ORC4: variants seen among roughly 807,000 people sequenced by gnomAD.
ORC4 encodes origin recognition complex, subunit 4 homolog.
In ORC4, 55 loss-of-function variants were observed where a neutral mutation model predicts 63.9. The ratio of observed to expected loss-of-function variants is 0.86; its 90% CI spans 0.69 to 1.08. The LOEUF is 1.08. Ranked by LOEUF, ORC4 falls within the 50% of genes least tolerant of loss-of-function variation. The probability of loss-of-function intolerance (pLI) is 0.00; values close to 1 mark genes in which losing one functional copy is unlikely to be tolerated. For synonymous variants in ORC4, 150 were observed against 168.5 expected (o/e 0.89, Z 0.85); for missense variants, 511 against 504.4 (o/e 1.01, Z -0.13).
In ORC4 at chr2:147,938,160, G is replaced by A. The variant is rs1026451587; in HGVS notation, c.1108C>T (p.Pro370Ser). The A allele has an allele frequency of 6.2e-7, 1 of 1,610,822 alleles. No individual in the cohort carries two copies. The highest frequency in any genetic ancestry group is 8.5e-7 in the Non-Finnish European group (1 of 1,177,508). The change falls in exon 13 of 14, where the codon CCT becomes TCT. Residue 370 changes from proline to serine, a missense_variant. Transcript: ENST00000392857. ...KAHSVYNFEK[P>S]VVMKAFEHLQ... ...CTAAATCTTACCTTCATGACAACAG[G>A]TTTTTCAAAATTATAAACGGAATGT... is the stretch of plus-strand genomic sequence containing the variant.
chr2:147,936,155 AGAGG>A (rs1688039267), intron 13 of ORC4, among the ~76,000 whole-genome samples: 1 of 152,168 alleles, frequency 6.6e-6, no homozygotes, highest in African/African-American at 2.4e-5. Flanking sequence ...CAGCTGTAAC[AGAGG>A]GAGGCAGAAA....
At chr2:147,964,112 A>G (rs1411746263) in intron 4 of ORC4, among the ~76,000 whole-genome samples, 1 of 152,232 alleles carries the variant, frequency 6.6e-6, no homozygotes, top group Non-Finnish European at 1.5e-5. Flanking sequence ...AGTAACAGAC[A>G]AGAATCATAA....
chr2:147,946,863 T>C (rs145515706), intron 9 of ORC4, among the ~76,000 whole-genome samples: 1 of 152,140 alleles, frequency 6.6e-6, no homozygotes, highest in East Asian at 1.9e-4. Flanking sequence ...AATTATTCCA[T>C]AGTAGAAGAA....
At chr2:147,973,897 T>C (rs1190097399) in intron 2 of ORC4, among the ~76,000 whole-genome samples, 2 of 152,214 alleles carry the variant, frequency 1.3e-5, no homozygotes, top group Middle Eastern at 3.2e-3. Context: ...GACTTAGTCA[T>C]GAAAAATTAT....
intron 4 of ORC4, among the ~76,000 whole-genome samples, chr2:147,969,051 C>T (rs535637963): frequency 9.9e-5 from 15 of 151,922 alleles, no homozygotes; most frequent in South Asian, 2.1e-4. Flanking sequence ...AAACACCATG[C>T]GTTTTCACTC....
intron 1 of ORC4, among the ~76,000 whole-genome samples, chr2:147,999,333 G>C (rs549003608): frequency 6.6e-6 from 1 of 152,252 alleles, no homozygotes; most frequent in Admixed American, 6.5e-5. Flanking sequence ...AGGATTAAGA[G>C]AGTGTTTATA....
At chr2:147,984,542 C>T (rs1229774191) in intron 1 of ORC4, among the ~76,000 whole-genome samples, 2 of 152,128 alleles carry the variant, frequency 1.3e-5, no homozygotes, top group South Asian at 2.1e-4. Flanking sequence ...GGGGGTGTTT[C>T]GACCCCTAAC....
At chr2:147,941,250 A>G (rs1688346336) in intron 10 of ORC4, among the ~76,000 whole-genome samples, 1 of 151,972 alleles carries the variant, frequency 6.6e-6, no homozygotes, top group Admixed American at 6.6e-5. Flanking sequence ...ATTGACAGAC[A>G]TCTTTCATTT....
At position 147,952,464 on chromosome 2, in the gene ORC4, T is replaced by A. The variant is rs774507320; in HGVS notation, c.497A>T (p.His166Leu). 2 of 1,611,802 alleles carry A rather than the reference T, an allele frequency of 1.2e-6. No homozygotes were observed. ...FILDEFDLFA[H>L]HKNQTLLYNL... is the part of the protein sequence containing the mutation. ...ATAGAGAAGTGTTTGGTTTTTATGA[T>A]GAGCAAAAAGATCAAATTCATCTAA... The change falls in exon 8 of 14, where the codon CAT becomes CTT. Residue 166 changes from histidine to leucine, a missense_variant. His to Leu is a moderately conservative substitution (Grantham distance 99). Transcript: ENST00000392857.
chr2:147,980,272 A>G (rs917710227), intron 1 of ORC4, among the ~76,000 whole-genome samples: 1 of 152,134 alleles, frequency 6.6e-6, no homozygotes, highest in Non-Finnish European at 1.5e-5. Flanking sequence ...AAAACAATAC[A>G]TTATAATAGC....
At position 147,973,487 on chromosome 2, in the gene ORC4, C is replaced by T. The variant is rs370056073; in HGVS notation, c.95G>A (p.Ser32Asn). Reference sequence around the variant, plus strand: ...CACTCCAAATAGGTTACTATGTGGACTCTGACGACAAAATCTTTCACGTAA... The same window carrying T: ...CACTCCAAATAGGTTACTATGTGGATTCTGACGACAAAATCTTTCACGTAA... ...RILRERFCRQ[S>N]PHSNLFGVQV... Residue 32 changes from serine (S) to asparagine (N), a missense_variant, in exon 3 of 14, where the codon AGT becomes AAT. Ser to Asn is a conservative substitution (Grantham distance 46). Transcript: ENST00000392857. The T allele has an allele frequency of 1.5e-5, 24 of 1,606,184 alleles. No individual in the cohort carries two copies. Among genetic ancestry groups the T allele is most frequent in the East Asian group, 2.2e-5 (1 of 44,748 alleles).
At chr2:148,018,362 A>G (rs1472184831) in intron 1 of ORC4, among the ~76,000 whole-genome samples, 1 of 152,212 alleles carries the variant, frequency 6.6e-6, no homozygotes, top group Non-Finnish European at 1.5e-5. Flanking sequence ...GTCGGGGTAT[A>G]CATTGGTGTA....
chr2:147,943,545 A>G (rs760031086), intron 9 of ORC4, 23 bp from the exon 10 acceptor site: 25 of 1,084,348 alleles, frequency 2.3e-5, no homozygotes, highest in Non-Finnish European at 3.3e-5. Flanking sequence ...AAAAAAAAAA[A>G]GCCAAAATTG....
chr2:147,984,086 G>C (rs1197939870), intron 1 of ORC4, among the ~76,000 whole-genome samples: 1 of 152,110 alleles, frequency 6.6e-6, no homozygotes, highest in East Asian at 1.9e-4. Context: ...GTTGAGGAAG[G>C]GTTGATACTG....
Position 147,933,887 on chromosome 2 carries a change from T to C in ORC4, c.*1623A>G, listed in dbSNP as rs372047682. ...AGTAAATGACAGGGATCTGAATACT[T>C]AGCAGGCTTAACTTTTTGCAGGGAA... On this transcript the variant is annotated 3_prime_UTR_variant, in exon 14 of 14. Transcript: ENST00000392857. 1.3e-5 allele frequency: 2 copies of C among 152,270 alleles called. No homozygotes were observed. Among genetic ancestry groups the C allele is most frequent in the African/African-American group, 2.4e-5 (1 of 41,558 alleles). 9.4% of individuals were successfully genotyped at this position (152,270 alleles called of 1,614,324 possible). A position where few individuals can be genotyped will look rare whatever the true frequency, so the allele number is the denominator to read the frequency against.
chr2:148,012,246 A>G (rs1693015544), intron 1 of ORC4, among the ~76,000 whole-genome samples: 2 of 152,214 alleles, frequency 1.3e-5, no homozygotes. Flanking sequence ...CGATAGTGGC[A>G]TAAAAACAGA....
chr2:147,941,321 G>A (rs967386597), intron 10 of ORC4, among the ~76,000 whole-genome samples: 2 of 151,292 alleles, frequency 1.3e-5, no homozygotes, highest in South Asian at 2.1e-4. Flanking sequence ...GTCTTCCTGT[G>A]CATTAGGTAA....
chr2:147,989,949 C>A (rs956959187), intron 1 of ORC4, among the ~76,000 whole-genome samples: 3 of 152,072 alleles, frequency 2.0e-5, no homozygotes, highest in Non-Finnish European at 4.4e-5. Flanking sequence ...TACTTTGAGG[C>A]AAAACCTTAC....
chr2:148,010,848 CTTTTTTT>C (rs201359357), intron 1 of ORC4, among the ~76,000 whole-genome samples: 18 of 98,532 alleles, frequency 1.8e-4, no homozygotes, highest in Middle Eastern at 6.5e-3. Flanking sequence ...CAGATTTATT[CTTTTTTT>C]TTTTTTTTTT....
Sources: allele counts gnomAD v4.1 joint callset (sites outside exome capture counted in the v4.1 genomes callset), GRCh38; gene constraint gnomAD v4.1.1; transcripts MANE v1.5; gene names NCBI Gene and HGNC (gene_info 2026-07-23, HGNC 2026-07-21).